Variants in RAB3C observed in about 807,000 individuals in gnomAD.
RAB3C encodes the protein ras-related protein Rab-3C.
RAB3C carries 17 observed loss-of-function variants against 26.4 expected under a neutral mutation model. That is an observed-to-expected ratio of 0.64 (90% confidence interval 0.44 to 0.97). RAB3C has a LOEUF of 0.97. Ranked by LOEUF, RAB3C falls within the 50% of genes least tolerant of loss-of-function variation. The pLI is 0.00. For missense variants in RAB3C, 242 were observed against 281.9 expected (o/e 0.86, Z 1.01); for synonymous variants, 91 against 95.9 (o/e 0.95, Z 0.30).
At chr5:58,715,194 C>T (rs951381118) in intron 2 of RAB3C, among the ~76,000 whole-genome samples, 4 of 151,758 alleles carry the variant, frequency 2.6e-5, no homozygotes, top group African/African-American at 7.3e-5. Flanking sequence ...TCCACAAAAA[C>T]GTATTTAATT....
At chr5:58,620,742 C>A (rs1579821391) in intron 2 of RAB3C, among the ~76,000 whole-genome samples, 1 of 152,288 alleles carries the variant, frequency 6.6e-6, no homozygotes, top group Middle Eastern at 3.4e-3. Context: ...CTATCACATT[C>A]TAACACTGCG....
intron 2 of RAB3C, among the ~76,000 whole-genome samples, chr5:58,697,210 C>T (rs1220465186): frequency 1.3e-5 from 2 of 151,980 alleles, no homozygotes; most frequent in East Asian, 1.9e-4. Flanking sequence ...CAGGTTGTTC[C>T]GTTTCCATGT....
chr5:58,755,720 C>A (rs1466765511), intron 3 of RAB3C, among the ~76,000 whole-genome samples: 1 of 152,166 alleles, frequency 6.6e-6, no homozygotes, highest in Non-Finnish European at 1.5e-5. Flanking sequence ...CTAAAAATGC[C>A]CACTGGGCAG....
chr5:58,617,568 T>C, intron 1 of RAB3C, 75 bp from the exon 2 acceptor site: 1 of 1,170,056 alleles, frequency 8.5e-7, no homozygotes. Flanking sequence ...ATAATGAGTA[T>C]GCTGCTAGCT....
chr5:58,682,263 T>G (rs1748359410), intron 2 of RAB3C, among the ~76,000 whole-genome samples: 1 of 152,204 alleles, frequency 6.6e-6, no homozygotes. Flanking sequence ...TGACTGAACA[T>G]GAGAGTGGCA....
At chr5:58,715,229 C>CT (rs982596585) in intron 2 of RAB3C, among the ~76,000 whole-genome samples, 61 of 148,654 alleles carry the variant, frequency 4.1e-4, no homozygotes, top group Non-Finnish European at 5.2e-4. Context: ...TCCTGTGCAT[C>CT]TTTTTTTTTT....
intron 3 of RAB3C, among the ~76,000 whole-genome samples, chr5:58,755,548 T>G (rs1483474038): frequency 6.6e-6 from 1 of 152,158 alleles, no homozygotes; most frequent in Non-Finnish European, 1.5e-5. Flanking sequence ...ACATCAGGAC[T>G]CGGGGCAGGC....
intron 1 of RAB3C, among the ~76,000 whole-genome samples, chr5:58,608,442 C>T (rs1746619962): frequency 6.6e-6 from 1 of 152,176 alleles, no homozygotes. Context: ...AAAAAATGCT[C>T]ATCATCACTG....
chr5:58,720,747 T>C (rs1219122610), intron 2 of RAB3C, among the ~76,000 whole-genome samples: 2 of 151,922 alleles, frequency 1.3e-5, no homozygotes, highest in Admixed American at 1.3e-4. Context: ...TGTATCAGGA[T>C]TGTCTGTCCT....
At position 58,629,887 on chromosome 5, in the gene RAB3C, A is replaced by G. The variant is rs146344394; in HGVS notation, c.252+12017A>G. Among the ~76,000 whole-genome samples, 904 of 152,352 alleles carry G rather than the reference A, an allele frequency of 5.9e-3. 18 individuals are homozygous for G. The highest frequency in any genetic ancestry group is 0.02 in the African/African-American group (842 of 41,584). On this transcript the variant is annotated intron_variant, in intron 2 of 4. Transcript: ENST00000282878. ...TGCTAAGCCTCCAAGATTGTCACTA[A>G]TTAGAGCAGTGTGGCTTCCCGCAAG...
chr5:58,841,371 C>A (rs1380472834), intron 4 of RAB3C, among the ~76,000 whole-genome samples: 1 of 152,170 alleles, frequency 6.6e-6, no homozygotes, highest in African/African-American at 2.4e-5. Flanking sequence ...TGGGCCCAGG[C>A]TCTGCACAGC....
chr5:58,819,392 C>T (rs1474181862), intron 3 of RAB3C, among the ~76,000 whole-genome samples: 1 of 152,206 alleles, frequency 6.6e-6, no homozygotes, highest in Admixed American at 6.5e-5. Flanking sequence ...ATTCCTATTA[C>T]AGTGTAGACA....
intron 3 of RAB3C, among the ~76,000 whole-genome samples, chr5:58,798,875 G>A (rs777302234): frequency 6.6e-6 from 1 of 152,020 alleles, no homozygotes; most frequent in African/African-American, 2.4e-5. Context: ...TCAGATTTGG[G>A]GACATTCTAC....
intron 2 of RAB3C, among the ~76,000 whole-genome samples, chr5:58,716,321 A>G (rs933524471): frequency 6.6e-6 from 1 of 152,138 alleles, no homozygotes; most frequent in Non-Finnish European, 1.5e-5. Flanking sequence ...ACATACATGA[A>G]CAAAGGTTCA....
Position 58,859,016 on chromosome 5 carries a change from A to G in RAB3C, c.*7665A>G, listed in dbSNP as rs1744326157. 1.3e-5 allele frequency: 2 copies of G among 152,234 alleles called. No homozygotes were observed. Among genetic ancestry groups the G allele is most frequent in the Non-Finnish European group, 2.9e-5 (2 of 68,048 alleles). The allele number at this position is 152,234 out of a possible 1,614,324, so 9.4% of individuals were successfully genotyped here. On this transcript the variant is annotated 3_prime_UTR_variant, in exon 5 of 5. Coordinates refer to ENST00000282878, the MANE Select transcript of RAB3C (RefSeq NM_138453.4). ...CATAAAGGGCATTGGAAATGCACAG[A>G]TGAAGATCTTCCTTTGGAACCAGGC...
At chr5:58,681,384 T>TCATTTTGC (rs765590510) in intron 2 of RAB3C, among the ~76,000 whole-genome samples, 1 of 152,230 alleles carries the variant, frequency 6.6e-6, no homozygotes, top group Non-Finnish European at 1.5e-5. Flanking sequence ...AACTAGAATG[T>TCATTTTGC]CATTTTGGAA....
At position 58,723,835 on chromosome 5, in the gene RAB3C, G is replaced by A. The variant is rs572410177; in HGVS notation, c.253-2167G>A. ...AGAGAGTCCAGATTGATGTCAGAAAGAAGATAATATTTCTGTCCAAACTGC... is the reference window on the plus strand; with the variant it reads ...AGAGAGTCCAGATTGATGTCAGAAAAAAGATAATATTTCTGTCCAAACTGC... On this transcript the variant is annotated intron_variant, in intron 2 of 4. Coordinates refer to ENST00000282878, the MANE Select transcript of RAB3C (RefSeq NM_138453.4). 2.6e-5 allele frequency among the ~76,000 whole-genome samples: 4 copies of A among 151,928 alleles called. No homozygotes were observed. The South Asian group carries it at 8.3e-4, about 32-fold the overall frequency.
intron 2 of RAB3C, among the ~76,000 whole-genome samples, chr5:58,629,656 G>A (rs574867874): frequency 1.6e-4 from 24 of 152,238 alleles, no homozygotes; most frequent in Admixed American, 2.6e-4. Context: ...AAAGGGGAGC[G>A]TTTATGTATG....
chr5:58,594,930 A>G (rs535937238), intron 1 of RAB3C, among the ~76,000 whole-genome samples: 39 of 149,528 alleles, frequency 2.6e-4, no homozygotes, highest in African/African-American at 9.6e-4. Context: ...TCTTTATACC[A>G]CATAGCACTG....
Sources: allele counts gnomAD v4.1 joint callset (sites outside exome capture counted in the v4.1 genomes callset), GRCh38; gene constraint gnomAD v4.1.1; transcripts MANE v1.5; gene names NCBI Gene and HGNC (gene_info 2026-07-23, HGNC 2026-07-21).